The following LGSN variants were observed in gnomAD, a reference collection of about 807,000 sequenced individuals.
LGSN encodes lengsin.
In LGSN, 21 loss-of-function variants were observed where a neutral mutation model predicts 19.5. The observed-to-expected ratio is 1.07, with a 90% CI of 0.76 to 1.55. LGSN has a LOEUF of 1.55. LGSN is among the 40% of genes most tolerant of loss of function. LGSN has a pLI of 0.00. For synonymous variants in LGSN, 257 were observed against 215.6 expected, an observed-to-expected ratio of 1.19 and a Z score of -1.68; for missense variants, 673 against 608.5, an observed-to-expected ratio of 1.11 and a Z score of -1.12.
At chr6:63,330,505 T>G in the LGSN span, among the ~76,000 whole-genome samples, 2 of 152,242 alleles carry the variant, frequency 1.3e-5, no homozygotes, top group Non-Finnish European at 2.9e-5. Flanking sequence ...TAGAATCAAT[T>G]GACCCTCGAG....
the LGSN span, among the ~76,000 whole-genome samples, chr6:63,377,438 C>G: frequency 6.6e-6 from 1 of 152,182 alleles, no homozygotes; most frequent in Non-Finnish European, 1.5e-5. Context: ...AAACTCAGCC[C>G]TGGGGAGTTG....
At chr6:63,547,569 G>C in the LGSN span, among the ~76,000 whole-genome samples, 1 of 136,998 alleles carries the variant, frequency 7.3e-6, no homozygotes, top group African/African-American at 2.8e-5. Flanking sequence ...GCAGTGGTAC[G>C]ATCTTGGCTC....
At chr6:63,480,335 A>C in the LGSN span, 5 of 213,902 alleles carry the variant, frequency 2.3e-5, no homozygotes, top group African/African-American at 1.2e-4. Context: ...GGAAAAAGCC[A>C]GCCTAGCAGG....
At chr6:63,443,305 G>A in the LGSN span, 1 of 152,976 alleles carries the variant, frequency 6.5e-6, no homozygotes, top group South Asian at 2.0e-4. Context: ...AGCCCTGGTT[G>A]CCACCCGCGC....
At chr6:63,538,881 ATATTTATT>A in the LGSN span, among the ~76,000 whole-genome samples, 2 of 151,866 alleles carry the variant, frequency 1.3e-5, no homozygotes, top group African/African-American at 2.4e-5. Flanking sequence ...AGAAGTAATA[ATATTTATT>A]TATTTATTTA....
chr6:63,418,020 A>G, the LGSN span, among the ~76,000 whole-genome samples: 2 of 152,198 alleles, frequency 1.3e-5, no homozygotes, highest in Admixed American at 1.3e-4. Context: ...ATGGAGATAA[A>G]CCCCCAAACA....
At chr6:63,329,966 G>C in the LGSN span, among the ~76,000 whole-genome samples, 1 of 152,184 alleles carries the variant, frequency 6.6e-6, no homozygotes, top group Admixed American at 6.5e-5. Flanking sequence ...GGCCGCGCTA[G>C]TGTCCAGGAG....
At chr6:63,535,876 A>G in the LGSN span, among the ~76,000 whole-genome samples, 13,214 of 152,230 alleles carry the variant, frequency 0.087, 615 homozygotes, top group East Asian at 0.16. Context: ...ACCAGGCTGC[A>G]ATTCTCCTGC....
chr6:63,468,744 A>C, the LGSN span, among the ~76,000 whole-genome samples: 1 of 151,436 alleles, frequency 6.6e-6, no homozygotes, highest in East Asian at 1.9e-4. Flanking sequence ...TTAGTTAGTT[A>C]GTTAGTTTTT....
At chr6:63,357,955 T>A in the LGSN span, among the ~76,000 whole-genome samples, 1 of 152,164 alleles carries the variant, frequency 6.6e-6, no homozygotes, top group Non-Finnish European at 1.5e-5. Context: ...CTAGGGTTTT[T>A]ATGGTTTTAG....
chr6:63,381,023 C>T, the LGSN span, among the ~76,000 whole-genome samples: 1 of 152,022 alleles, frequency 6.6e-6, no homozygotes, highest in Admixed American at 6.6e-5. Context: ...ACGGCAAAAC[C>T]TCATCTCTAA....
At chr6:63,573,140 C>G in the LGSN span, 1 of 158,370 alleles carries the variant, frequency 6.3e-6, no homozygotes, top group African/African-American at 2.4e-5. Context: ...GCATGGCAGG[C>G]TCCGCGGCGT....
chr6:63,537,716 C>T, the LGSN span, among the ~76,000 whole-genome samples: 1 of 152,236 alleles, frequency 6.6e-6, no homozygotes, highest in Admixed American at 6.5e-5. Flanking sequence ...ACCATTAACA[C>T]CCTTGTCAGC....
At chr6:63,381,849 T>A in the LGSN span, among the ~76,000 whole-genome samples, 1 of 152,242 alleles carries the variant, frequency 6.6e-6, no homozygotes, top group South Asian at 2.1e-4. Context: ...TAGTGCCCTC[T>A]AAGGAAACAG....
At chr6:63,560,862 G>A in the LGSN span, among the ~76,000 whole-genome samples, 2 of 152,168 alleles carry the variant, frequency 1.3e-5, no homozygotes, top group African/African-American at 4.8e-5. Flanking sequence ...TACACTTAGA[G>A]TAGCATTAGT....
At chr6:63,288,080 TG>T (rs1255121529) in intron 2 of LGSN, among the ~76,000 whole-genome samples, 1 of 151,588 alleles carries the variant, frequency 6.6e-6, no homozygotes, top group African/African-American at 2.4e-5. Context: ...TAGCCAGGCA[TG>T]GTGGCATTCA....
At chr6:63,444,960 G>A in the LGSN span, among the ~76,000 whole-genome samples, 4 of 152,198 alleles carry the variant, frequency 2.6e-5, no homozygotes, top group African/African-American at 7.2e-5. Flanking sequence ...CTGATGCAAG[G>A]TCTGGGCATG....
At chr6:63,525,573 C>A in the LGSN span, among the ~76,000 whole-genome samples, 6 of 152,314 alleles carry the variant, frequency 3.9e-5, no homozygotes, top group Admixed American at 1.3e-4. Flanking sequence ...TGGGTTCCAG[C>A]TCCACTGGAC....
At chr6:63,450,639 A>C in the LGSN span, among the ~76,000 whole-genome samples, 1 of 151,976 alleles carries the variant, frequency 6.6e-6, no homozygotes, top group Non-Finnish European at 1.5e-5. Flanking sequence ...AAAGCAAAAA[A>C]CAAGAACAAA....
Sources: allele counts gnomAD v4.1 joint callset (sites outside exome capture counted in the v4.1 genomes callset), GRCh38; gene constraint gnomAD v4.1.1; transcripts MANE v1.5; gene names NCBI Gene and HGNC (gene_info 2026-07-23, HGNC 2026-07-21).